GPHN: variants seen among roughly 807,000 people sequenced by gnomAD.
The protein encoded by GPHN is gephyrin.
GPHN carries 17 observed loss-of-function variants against 95.5 expected under a neutral mutation model. That is an observed-to-expected ratio of 0.18 (90% CI 0.12 to 0.27). GPHN has a LOEUF of 0.27. Among genes scored for constraint, GPHN ranks in the 10% least tolerant of loss-of-function variants. GPHN has a pLI of 1.00. For synonymous variants in GPHN, 320 were observed against 322.5 expected, an observed-to-expected ratio of 0.99 and a Z score of 0.08; for missense variants, 660 against 978.1, an observed-to-expected ratio of 0.67 and a Z score of 4.34.
At chr14:67,593,806 T>G in the GPHN span, 7 of 1,613,682 alleles carry the variant, frequency 4.3e-6, no homozygotes, top group East Asian at 1.6e-4. Flanking sequence ...AGGTAGTGCT[T>G]TCTTTGCCTG....
chr14:67,585,058 T>C, the GPHN span: 1 of 153,170 alleles, frequency 6.5e-6, no homozygotes, highest in East Asian at 1.9e-4. Flanking sequence ...GTCCACTAAA[T>C]AGTCACTTTC....
the GPHN span, among the ~76,000 whole-genome samples, chr14:67,512,206 A>C: frequency 1.3e-5 from 2 of 152,354 alleles, no homozygotes; most frequent in East Asian, 1.9e-4. Flanking sequence ...GACAACTCTC[A>C]GTGGGACTCA....
At chr14:66,575,651 A>G (rs1006565128) in intron 1 of GPHN, among the ~76,000 whole-genome samples, 5 of 152,062 alleles carry the variant, frequency 3.3e-5, no homozygotes, top group Non-Finnish European at 7.4e-5. Flanking sequence ...GTGCCCAGAC[A>G]CAACCAGGTT....
At chr14:67,397,695 G>C in the GPHN span, 3 of 1,613,356 alleles carry the variant, frequency 1.9e-6, no homozygotes, top group Non-Finnish European at 2.5e-6. Flanking sequence ...AGGGGCAGGT[G>C]ATGGTGCAGC....
intron 2 of GPHN, among the ~76,000 whole-genome samples, chr14:66,738,978 G>A (rs187283290): frequency 4.0e-5 from 6 of 151,824 alleles, no homozygotes; most frequent in African/African-American, 7.2e-5. Flanking sequence ...TTTGGGTGGC[G>A]TTCTATTGAA....
At chr14:67,320,096 C>A in the GPHN span, 1 of 639,970 alleles carries the variant, frequency 1.6e-6, no homozygotes, top group Non-Finnish European at 2.5e-6. Context: ...GATTCATTTT[C>A]ATGATACCCT....
the GPHN span, chr14:67,241,883 G>A: frequency 6.6e-6 from 1 of 152,022 alleles, no homozygotes; most frequent in Non-Finnish European, 1.5e-5. Flanking sequence ...CCGAGGTCGC[G>A]ACGCGCGGGA....
chr14:66,720,004 A>G (rs1477829052), intron 2 of GPHN, among the ~76,000 whole-genome samples: 1 of 152,180 alleles, frequency 6.6e-6, no homozygotes, highest in African/African-American at 2.4e-5. Context: ...TTTGTAAGGC[A>G]GTAATCTAGA....
At chr14:67,051,129 C>T (rs1300080032) in intron 10 of GPHN, among the ~76,000 whole-genome samples, 1 of 145,440 alleles carries the variant, frequency 6.9e-6, no homozygotes, top group Non-Finnish European at 1.5e-5. Flanking sequence ...TGCCTGCTGC[C>T]AGAGATGACT....
chr14:67,255,400 C>CT, the GPHN span, among the ~76,000 whole-genome samples: 57 of 151,968 alleles, frequency 3.8e-4, no homozygotes, highest in Non-Finnish European at 6.6e-4. Context: ...TGTTAGAGGT[C>CT]TTTTTTGGAA....
At chr14:67,327,274 A>AC in the GPHN span, among the ~76,000 whole-genome samples, 1 of 152,186 alleles carries the variant, frequency 6.6e-6, no homozygotes, top group Non-Finnish European at 1.5e-5. Context: ...TTGGATAAAC[A>AC]CCTAGGAGTA....
chr14:67,088,097 A>G (rs1032201507), intron 11 of GPHN, among the ~76,000 whole-genome samples: 1 of 152,172 alleles, frequency 6.6e-6, no homozygotes, highest in African/African-American at 2.4e-5. Context: ...AAATTATTTC[A>G]ATTAATGAAG....
At chr14:66,694,375 A>T (rs1566829323) in intron 2 of GPHN, among the ~76,000 whole-genome samples, 2 of 152,246 alleles carry the variant, frequency 1.3e-5, no homozygotes, top group Non-Finnish European at 2.9e-5. Context: ...TCAGCCACCC[A>T]GTCCATGGTA....
the GPHN span, among the ~76,000 whole-genome samples, chr14:67,531,949 T>C: frequency 6.7e-6 from 1 of 149,542 alleles, no homozygotes; most frequent in Admixed American, 6.7e-5. Flanking sequence ...AATGAATTAA[T>C]GTCTTCTTAG....
the GPHN span, among the ~76,000 whole-genome samples, chr14:67,264,623 A>C: frequency 6.6e-6 from 1 of 152,232 alleles, no homozygotes; most frequent in Non-Finnish European, 1.5e-5. Context: ...TAAATTTTTT[A>C]ATAAAATTTG....
At chr14:67,210,430 AAAG>A in the GPHN span, among the ~76,000 whole-genome samples, 708 of 152,278 alleles carry the variant, frequency 4.6e-3, 3 homozygotes, top group African/African-American at 0.016. Context: ...TATTTAAAAA[AAAG>A]AAGAAGAACA....
the GPHN span, among the ~76,000 whole-genome samples, chr14:67,248,286 T>C: frequency 6.6e-6 from 1 of 151,954 alleles, no homozygotes; most frequent in Non-Finnish European, 1.5e-5. Context: ...ATTGGGAGGC[T>C]GAGGTGGGAG....
At chr14:66,679,922 G>C (rs994684786) in intron 1 of GPHN, among the ~76,000 whole-genome samples, 6 of 151,812 alleles carry the variant, frequency 4.0e-5, no homozygotes, top group African/African-American at 1.5e-4. Context: ...TTGATTGTTA[G>C]TCACATTTTG....
chr14:67,241,660 G>C, the GPHN span: 4 of 152,554 alleles, frequency 2.6e-5, no homozygotes, highest in African/African-American at 9.7e-5. Context: ...TCCGGCCAGC[G>C]GGAGACCCCT....
Sources: allele counts gnomAD v4.1 joint callset (sites outside exome capture counted in the v4.1 genomes callset), GRCh38; gene constraint gnomAD v4.1.1; transcripts MANE v1.5; gene names NCBI Gene and HGNC (gene_info 2026-07-23, HGNC 2026-07-21).